The following SOS1 variants were observed in gnomAD, a reference collection of about 807,000 sequenced individuals.
The protein encoded by SOS1 is SOS Ras/Rac guanine nucleotide exchange factor 1, also known as son of sevenless homolog 1.
A neutral mutation model predicts 157.6 loss-of-function variants in SOS1; 25 were observed. That is an observed-to-expected ratio of 0.16 (90% CI 0.12 to 0.22). SOS1 has a LOEUF of 0.22. Among genes scored for constraint, SOS1 ranks in the 10% least tolerant of loss-of-function variants. The pLI, the probability that SOS1 is intolerant of heterozygous loss-of-function variation, is 1.00. For synonymous variants in SOS1, 528 were observed against 534.0 expected (o/e 0.99, Z 0.16); for missense variants, 1,237 against 1,599.1 (o/e 0.77, Z 3.86).
chr2:39,012,706 CA>C (rs1266033985), intron 13 of SOS1, among the ~76,000 whole-genome samples: 1 of 152,024 alleles, frequency 6.6e-6, no homozygotes. Flanking sequence ...ATGTAAATCA[CA>C]AGATTTATAA....
chr2:39,106,998 T>A (rs1673217236), intron 1 of SOS1, among the ~76,000 whole-genome samples: 1 of 152,230 alleles, frequency 6.6e-6, no homozygotes, highest in Non-Finnish European at 1.5e-5. Flanking sequence ...AAAGTTTATA[T>A]GATTAGCTAC....
intron 21 of SOS1, chr2:38,987,874 T>C (rs1668601185): frequency 5.4e-6 from 2 of 369,252 alleles, no homozygotes; most frequent in Admixed American, 4.3e-5. Flanking sequence ...TTGAAATTTT[T>C]AATTGAGTCT....
intron 1 of SOS1, among the ~76,000 whole-genome samples, chr2:39,091,115 C>T (rs1406230944): frequency 2.0e-5 from 3 of 152,158 alleles, no homozygotes; most frequent in South Asian, 2.1e-4. Flanking sequence ...GTGATCCACC[C>T]GCCTTGGCCT....
chr2:39,118,062 C>T (rs952076414), intron 1 of SOS1, among the ~76,000 whole-genome samples: 2 of 152,114 alleles, frequency 1.3e-5, no homozygotes, highest in Admixed American at 6.6e-5. Flanking sequence ...AAGGAGCATC[C>T]AATCTAGTTA....
At chr2:39,015,802 CTTTTTTTTT>C (rs1054843148) in intron 10 of SOS1, among the ~76,000 whole-genome samples, 4 of 87,416 alleles carry the variant, frequency 4.6e-5, no homozygotes, top group African/African-American at 1.4e-4. Context: ...AATTGTAAAT[CTTTTTTTTT>C]TTTTTTTTTT....
chr2:39,097,195 A>C (rs1029635155), intron 1 of SOS1, among the ~76,000 whole-genome samples: 2 of 152,240 alleles, frequency 1.3e-5, no homozygotes, highest in African/African-American at 4.8e-5. Flanking sequence ...AAATCCAACA[A>C]TTTAGGCACC....
At chr2:39,080,144 A>G (rs1672151535) in intron 1 of SOS1, among the ~76,000 whole-genome samples, 2 of 151,876 alleles carry the variant, frequency 1.3e-5, no homozygotes, top group African/African-American at 4.8e-5. Flanking sequence ...AATCAATGGG[A>G]GCCCTGTGCT....
At chr2:39,112,251 T>C (rs998165296) in intron 1 of SOS1, among the ~76,000 whole-genome samples, 4 of 152,260 alleles carry the variant, frequency 2.6e-5, no homozygotes, top group Middle Eastern at 3.4e-3. Flanking sequence ...ATAAGCGCTA[T>C]TGGAGGAAAA....
intron 17 of SOS1, among the ~76,000 whole-genome samples, chr2:39,000,521 T>A (rs1669058766): frequency 6.6e-6 from 1 of 152,206 alleles, no homozygotes; most frequent in African/African-American, 2.4e-5. Flanking sequence ...AGGCAGCTCT[T>A]CTAGGGAAAG....
intron 1 of SOS1, among the ~76,000 whole-genome samples, chr2:39,112,929 C>T (rs1012308016): frequency 6.6e-6 from 1 of 151,876 alleles, no homozygotes; most frequent in African/African-American, 2.4e-5. Context: ...ATCCCAGCTA[C>T]TGGGGAGGCT....
chr2:38,989,249 T>G, intron 21 of SOS1, 21 bp downstream of exon 21: 1 of 1,551,358 alleles, frequency 6.4e-7, no homozygotes, highest in Non-Finnish European at 8.9e-7. Context: ...GAATTATGAG[T>G]CTTAAACCAA....
At chr2:39,124,064 G>T (rs148089572), upstream of SOS1, 1 of 152,396 alleles carries the variant, frequency 6.6e-6, no homozygotes, top group Admixed American at 6.5e-5. Context: ...CTGCAGTGAA[G>T]AGACTCAGTG....
At chr2:38,992,174 C>T (rs981495276) in intron 20 of SOS1, 1 of 152,088 alleles carries the variant, frequency 6.6e-6, no homozygotes, top group Non-Finnish European at 1.5e-5. Flanking sequence ...CTCTGGCACT[C>T]GCACATCTGT....
chr2:39,089,220 A>G (rs1572884212), intron 1 of SOS1, among the ~76,000 whole-genome samples: 1 of 152,196 alleles, frequency 6.6e-6, no homozygotes, highest in Non-Finnish European at 1.5e-5. Flanking sequence ...CTCATAAAGT[A>G]GTGTTCAAAA....
Position 38,985,141 on chromosome 2 carries a change from T to C in SOS1, c.*683A>G, listed in dbSNP as rs954225146. 1 of 152,264 alleles carries C rather than the reference T, an allele frequency of 6.6e-6. No individual in the cohort carries two copies. Among genetic ancestry groups the C allele is most frequent in the African/African-American group, 2.4e-5 (1 of 41,426 alleles). 9.4% of individuals were successfully genotyped at this position (152,264 alleles called of 1,614,324 possible). A position where few individuals can be genotyped will look rare whatever the true frequency, so the allele number is the denominator to read the frequency against. ...GCAACACCACCACATTTTGTTTGGG[T>C]GTGTGGGGACAGGTGGGGGGAATGC... On this transcript the variant is annotated 3_prime_UTR_variant, in exon 23 of 23. Transcript: ENST00000402219.
intron 10 of SOS1, among the ~76,000 whole-genome samples, chr2:39,018,107 A>G (rs1233855842): frequency 6.6e-6 from 1 of 151,952 alleles, no homozygotes; most frequent in East Asian, 1.9e-4. Context: ...GATGAAAGGT[A>G]AACACATAAA....
chr2:39,086,953 C>CAGGGG (rs1173100760), intron 1 of SOS1, among the ~76,000 whole-genome samples: 1 of 152,040 alleles, frequency 6.6e-6, no homozygotes, highest in Non-Finnish European at 1.5e-5. Flanking sequence ...GCTGGGATTA[C>CAGGGG]AGGCGCCCAC....
chr2:39,041,278 G>T (rs554295735), intron 6 of SOS1, among the ~76,000 whole-genome samples: 11 of 152,188 alleles, frequency 7.2e-5, no homozygotes, highest in African/African-American at 2.4e-4. Flanking sequence ...GCTTCATAGA[G>T]GTTTTGATTT....
At chr2:39,095,317 T>G (rs1016162754) in intron 1 of SOS1, among the ~76,000 whole-genome samples, 2 of 152,110 alleles carry the variant, frequency 1.3e-5, no homozygotes, top group Non-Finnish European at 2.9e-5. Context: ...AGACTCCAGT[T>G]TGAGAAACTA....
Sources: gnomAD v4.1 joint callset for allele counts (sites outside exome capture counted in the v4.1 genomes callset) on GRCh38, gnomAD v4.1.1 for gene constraint, MANE v1.5 for transcripts, NCBI Gene and HGNC (gene_info 2026-07-23, HGNC 2026-07-21) for gene names.